The following PTPRK variants were observed in gnomAD, a reference collection of about 807,000 sequenced individuals.
The protein encoded by PTPRK is receptor-type tyrosine-protein phosphatase kappa.
A neutral mutation model predicts 178.0 loss-of-function variants in PTPRK; 75 were observed. That is an observed-to-expected ratio of 0.42 (90% CI 0.35 to 0.51). PTPRK has a LOEUF of 0.51. Among genes scored for constraint, PTPRK ranks in the 20% least tolerant of loss-of-function variants. The pLI is 0.02. For missense variants in PTPRK, 1,441 were observed against 1,797.8 expected (o/e 0.80, Z 3.59); for synonymous variants, 637 against 620.6 (o/e 1.03, Z -0.39).
chr6:128,438,328 A>C (rs1180263364), intron 1 of PTPRK, among the ~76,000 whole-genome samples: 1 of 152,220 alleles, frequency 6.6e-6, no homozygotes, highest in Non-Finnish European at 1.5e-5. Context: ...ACCTACTCTT[A>C]TACACACAGT....
chr6:128,102,249 A>G (rs1788917325), intron 7 of PTPRK, among the ~76,000 whole-genome samples: 1 of 152,254 alleles, frequency 6.6e-6, no homozygotes, highest in Non-Finnish European at 1.5e-5. Context: ...AAGAAATTAC[A>G]GAGGCCAGAT....
At chr6:128,211,072 C>T (rs968096813) in intron 6 of PTPRK, among the ~76,000 whole-genome samples, 1 of 151,984 alleles carries the variant, frequency 6.6e-6, no homozygotes, top group Non-Finnish European at 1.5e-5. Flanking sequence ...GTGTAAAAGT[C>T]ACTGTATTTA....
intron 19 of PTPRK, among the ~76,000 whole-genome samples, chr6:127,992,324 G>T (rs1012244488): frequency 6.6e-6 from 1 of 151,740 alleles, no homozygotes; most frequent in Non-Finnish European, 1.5e-5. Context: ...CTTGCTGCAA[G>T]AAGACAGGCC....
At chr6:128,166,928 T>C (rs1369802708) in intron 7 of PTPRK, among the ~76,000 whole-genome samples, 9 of 151,870 alleles carry the variant, frequency 5.9e-5, no homozygotes, top group African/African-American at 1.2e-4. Flanking sequence ...AAAATTAACA[T>C]TGATATTACG....
chr6:128,486,063 TTAAA>T lies in PTPRK; in HGVS notation c.100+34192_100+34195del, dbSNP rs548500037. Reference sequence around the variant, plus strand: ...AGTTGAATTCTAAAATGTATGTTCATTAAATAGTTTCATATTTTCTCAATAATCC... The same window carrying T: ...AGTTGAATTCTAAAATGTATGTTCATTAGTTTCATATTTTCTCAATAATCC... On this transcript the variant is annotated intron_variant, in intron 1 of 29. Coordinates refer to ENST00000368226, the MANE Select transcript of PTPRK (RefSeq NM_002844.4). Among the ~76,000 whole-genome samples, 36 of 152,308 alleles carry T rather than the reference TTAAA, an allele frequency of 2.4e-4. No homozygotes were observed. The South Asian group carries it at 6.0e-3, about 25-fold the overall frequency.
chr6:128,450,708 T>C (rs1847676659), intron 1 of PTPRK, among the ~76,000 whole-genome samples: 1 of 152,242 alleles, frequency 6.6e-6, no homozygotes. Context: ...TACTTTTCAC[T>C]GACATGCAAT....
At chr6:128,131,472 G>A (rs916685934) in intron 7 of PTPRK, among the ~76,000 whole-genome samples, 5 of 152,166 alleles carry the variant, frequency 3.3e-5, no homozygotes, top group South Asian at 4.2e-4. Flanking sequence ...GTGCATATTT[G>A]GAAACAGGTA....
chr6:128,061,678 G>T (rs1408828282), intron 13 of PTPRK, among the ~76,000 whole-genome samples: 1 of 152,074 alleles, frequency 6.6e-6, no homozygotes, highest in Non-Finnish European at 1.5e-5. Context: ...TCCTGGGCAG[G>T]GTTGTCCTTC....
chr6:128,102,838 C>T (rs1367233826), intron 7 of PTPRK, among the ~76,000 whole-genome samples: 3 of 152,130 alleles, frequency 2.0e-5, no homozygotes, highest in Non-Finnish European at 4.4e-5. Context: ...AGTAAAGTCA[C>T]TCCAGTTCAG....
intron 1 of PTPRK, among the ~76,000 whole-genome samples, chr6:128,416,839 T>C (rs1052695583): frequency 6.6e-6 from 1 of 151,458 alleles, no homozygotes; most frequent in African/African-American, 2.4e-5. Context: ...AATTTGAAGA[T>C]GTGATAGCAA....
chr6:128,358,051 G>A (rs951397029), intron 2 of PTPRK, among the ~76,000 whole-genome samples: 2 of 152,104 alleles, frequency 1.3e-5, no homozygotes, highest in African/African-American at 4.8e-5. Context: ...TCAGATCTGT[G>A]AGCTTATCCC....
chr6:128,095,060 T>G (rs1279812290), intron 7 of PTPRK, among the ~76,000 whole-genome samples: 1 of 150,974 alleles, frequency 6.6e-6, no homozygotes, highest in African/African-American at 2.4e-5. Context: ...CCAAAGAGAA[T>G]TGCATAAAAT....
At chr6:128,238,198 A>G (rs1249884111) in intron 5 of PTPRK, 6 of 400,600 alleles carry the variant, frequency 1.5e-5, no homozygotes, top group African/African-American at 4.8e-5. Flanking sequence ...AAAAAAAAAA[A>G]AAAAGAAAAG....
chr6:128,093,755 T>C (rs1425587424), intron 7 of PTPRK, among the ~76,000 whole-genome samples: 1 of 151,680 alleles, frequency 6.6e-6, no homozygotes, highest in Non-Finnish European at 1.5e-5. Flanking sequence ...TAATGAAACA[T>C]AAAGAAATTT....
At chr6:128,181,813 A>G (rs965432409) in intron 7 of PTPRK, among the ~76,000 whole-genome samples, 5 of 152,138 alleles carry the variant, frequency 3.3e-5, no homozygotes, top group African/African-American at 2.4e-5. Flanking sequence ...ATACATCATA[A>G]TCCTAACTAA....
chr6:128,436,269 A>G (rs573662747), intron 1 of PTPRK, among the ~76,000 whole-genome samples: 1 of 152,282 alleles, frequency 6.6e-6, no homozygotes. Context: ...ATTAACCATA[A>G]TAGCAATTAA....
intron 1 of PTPRK, among the ~76,000 whole-genome samples, chr6:128,428,782 T>G (rs1195609738): frequency 6.6e-6 from 1 of 152,224 alleles, no homozygotes; most frequent in Admixed American, 6.5e-5. Context: ...AAAGGTCATA[T>G]ACATTCAGTA....
Position 128,185,918 on chromosome 6 carries a change from G to A in PTPRK, c.869-1193C>T, listed in dbSNP as rs553185726. ...TTTACCTTCTTATGCAGGTTTAAAT[G>A]AAACAAGAATGTTCAGGTGCAGACC... On this transcript the variant is annotated intron_variant, in intron 6 of 29. Transcript: ENST00000368226. Among the ~76,000 whole-genome samples, 4 of 152,198 alleles carry A rather than the reference G, an allele frequency of 2.6e-5. No individual in the cohort carries two copies. In the East Asian group the frequency reaches 7.7e-4, roughly 29 times the overall value.
At chr6:128,103,166 C>A (rs59636446) in intron 7 of PTPRK, among the ~76,000 whole-genome samples, 1 of 151,956 alleles carries the variant, frequency 6.6e-6, no homozygotes, top group Non-Finnish European at 1.5e-5. Flanking sequence ...TGTTGAGGAG[C>A]TTGGCTGGGG....
Sources: gnomAD v4.1 joint callset for allele counts (sites outside exome capture counted in the v4.1 genomes callset) on GRCh38, gnomAD v4.1.1 for gene constraint, MANE v1.5 for transcripts, NCBI Gene and HGNC (gene_info 2026-07-23, HGNC 2026-07-21) for gene names.